The following ANKFN1 variants were observed in gnomAD, a reference collection of about 807,000 sequenced individuals.
ANKFN1 encodes the protein ankyrin repeat and fibronectin type-III domain-containing protein 1.
ANKFN1 carries 74 observed loss-of-function variants against 108.7 expected under a neutral mutation model. That is an observed-to-expected ratio of 0.68 (90% CI 0.56 to 0.83). ANKFN1 has a LOEUF of 0.83. Ranked by LOEUF, ANKFN1 falls within the 40% of genes least tolerant of loss-of-function variation. The probability of loss-of-function intolerance (pLI) is 0.00; values close to 1 mark genes in which losing one functional copy is unlikely to be tolerated. For synonymous variants in ANKFN1, 547 were observed against 516.2 expected, an observed-to-expected ratio of 1.06 and a Z score of -0.81; for missense variants, 1,505 against 1,382.3, an observed-to-expected ratio of 1.09 and a Z score of -1.41.
intron 4 of ANKFN1, among the ~76,000 whole-genome samples, chr17:56,142,399 C>T (rs1407455149): frequency 3.9e-5 from 6 of 152,184 alleles, no homozygotes; most frequent in African/African-American, 1.4e-4. Context: ...AAGTTCACTC[C>T]ATGAAGAGTA....
At chr17:56,326,506 A>G (rs2045520684) in intron 4 of ANKFN1, 151 bp downstream of exon 4, 4 of 845,918 alleles carry the variant, frequency 4.7e-6, no homozygotes, top group Non-Finnish European at 7.1e-6. Flanking sequence ...CATGAAGAAT[A>G]CACACAAGCA....
chr17:56,321,421 T>G (rs1197661967), intron 3 of ANKFN1, among the ~76,000 whole-genome samples: 8 of 148,654 alleles, frequency 5.4e-5, no homozygotes, highest in Non-Finnish European at 1.2e-4. Flanking sequence ...CACTTTCTTA[T>G]AATTTAATTT....
intron 3 of ANKFN1, among the ~76,000 whole-genome samples, chr17:56,296,865 C>T (rs1056797704): frequency 6.6e-6 from 1 of 152,160 alleles, no homozygotes; most frequent in Non-Finnish European, 1.5e-5. Context: ...TCCCAGGGCT[C>T]ATATGAGGAT....
intron 8 of ANKFN1, among the ~76,000 whole-genome samples, chr17:56,417,984 T>G (rs2048290206): frequency 6.6e-6 from 1 of 152,202 alleles, no homozygotes; most frequent in African/African-American, 2.4e-5. Flanking sequence ...TCTGTCTGCT[T>G]TACTAGTCAG....
At chr17:56,263,599 C>T (rs1050029701) in intron 3 of ANKFN1, among the ~76,000 whole-genome samples, 11 of 152,194 alleles carry the variant, frequency 7.2e-5, no homozygotes, top group African/African-American at 2.7e-4. Context: ...AGACTGGTGT[C>T]TCCAAAAGCA....
chr17:56,099,421 T>A (rs1464026954), intron 4 of ANKFN1, among the ~76,000 whole-genome samples: 1 of 152,208 alleles, frequency 6.6e-6, no homozygotes, highest in East Asian at 1.9e-4. Flanking sequence ...CCTCTCCTTC[T>A]CATTCCACTC....
chr17:56,378,180 C>T (rs1437590281), intron 8 of ANKFN1, among the ~76,000 whole-genome samples: 6 of 152,254 alleles, frequency 3.9e-5, no homozygotes, highest in East Asian at 1.9e-4. Context: ...ATATCTCTGC[C>T]GACCATCACC....
At chr17:56,497,790 C>A (rs2051247276) in intron 19 of ANKFN1, among the ~76,000 whole-genome samples, 1 of 152,102 alleles carries the variant, frequency 6.6e-6, no homozygotes, top group Admixed American at 6.6e-5. Context: ...AGACTAACTA[C>A]CTCTTCTTAC....
chr17:56,349,335 AT>A (rs1015569412), intron 4 of ANKFN1, among the ~76,000 whole-genome samples: 1 of 151,772 alleles, frequency 6.6e-6, no homozygotes, highest in African/African-American at 2.4e-5. Flanking sequence ...CATAGCACAC[AT>A]TTACCTATGT....
At chr17:56,176,535 G>A (rs992539092) in intron 1 of ANKFN1, among the ~76,000 whole-genome samples, 3 of 152,222 alleles carry the variant, frequency 2.0e-5, no homozygotes, top group South Asian at 2.1e-4. Flanking sequence ...TAGCAAAGCA[G>A]ACTGTCTTCA....
intron 1 of ANKFN1, among the ~76,000 whole-genome samples, chr17:56,186,520 G>A (rs1327295316): frequency 2.0e-5 from 3 of 152,172 alleles, no homozygotes; most frequent in Non-Finnish European, 4.4e-5. Context: ...AGCATTCCAC[G>A]TTGTCCACTG....
chr17:56,440,391 G>A lies in ANKFN1; in HGVS notation c.975G>A (p.Gln325=). The A allele has an allele frequency of 6.2e-7, 1 of 1,612,634 alleles. No homozygotes were observed. Among genetic ancestry groups the A allele is most frequent in the Middle Eastern group, 1.7e-4 (1 of 6,042 alleles). ...LAGEIIMDNL[Q]TLRCTITGLT... The stretch of plus-strand genomic sequence containing the variant: ...GAGAAATCATCATGGATAATCTGCA[G>A]ACTCTGAGATGCACAATCACAGGAC... The change falls in exon 9 of 21, where the codon CAG becomes CAA. Residue 325 remains glutamine (Q), a synonymous_variant. Transcript: ENST00000682825.
intron 4 of ANKFN1, among the ~76,000 whole-genome samples, chr17:56,147,535 C>T (rs2143423053): frequency 6.6e-6 from 1 of 152,264 alleles, no homozygotes; most frequent in Non-Finnish European, 1.5e-5. Context: ...GAGTACTGAT[C>T]AAAAGGGGAA....
intron 8 of ANKFN1, among the ~76,000 whole-genome samples, chr17:56,410,083 T>C (rs968790649): frequency 3.3e-5 from 5 of 152,198 alleles, no homozygotes; most frequent in Admixed American, 3.3e-4. Context: ...TTTATTTTAA[T>C]TTTATATTGT....
Position 56,480,744 on chromosome 17 carries a change from A to T in ANKFN1, c.2017A>T (p.Met673Leu). 1.2e-6 allele frequency: 2 copies of T among 1,614,046 alleles called. No homozygotes were observed. Among genetic ancestry groups the T allele is most frequent in the Non-Finnish European group, 8.5e-7 (1 of 1,179,948 alleles). ...ESVDHTSDCPMQLFFYELQMA... is the reference protein window; with the variant it reads ...ESVDHTSDCPLQLFFYELQMA... The stretch of plus-strand genomic sequence containing the variant: ...TGTGGATCATACTTCTGACTGCCCC[A>T]TGCAATTGTTCTTCTACGAGCTCCA... Residue 673 changes from methionine to leucine, a missense_variant, in exon 17 of 21, where the codon ATG becomes TTG. Met to Leu is a conservative substitution (Grantham distance 15). Transcript: ENST00000682825.
chr17:56,057,565 C>A (rs900550129), intron 4 of ANKFN1, among the ~76,000 whole-genome samples: 2 of 152,124 alleles, frequency 1.3e-5, no homozygotes, highest in Non-Finnish European at 2.9e-5. Flanking sequence ...GCGGGCAGAT[C>A]ACTTGAGGTC....
chr17:56,318,350 C>T (rs1427328140), intron 3 of ANKFN1, among the ~76,000 whole-genome samples: 2 of 152,136 alleles, frequency 1.3e-5, no homozygotes, highest in Non-Finnish European at 2.9e-5. Context: ...GCATCCAACA[C>T]CAAAGCTGCC....
At chr17:56,411,823 C>A (rs2048098840) in intron 8 of ANKFN1, among the ~76,000 whole-genome samples, 1 of 152,098 alleles carries the variant, frequency 6.6e-6, no homozygotes, top group Non-Finnish European at 1.5e-5. Flanking sequence ...TCCCTTCATA[C>A]CCCTGGAATG....
intron 18 of ANKFN1, among the ~76,000 whole-genome samples, chr17:56,486,957 C>A (rs2050875688): frequency 6.6e-6 from 1 of 152,156 alleles, no homozygotes. Context: ...AACTTGCTAA[C>A]CAGCTATGGA....
Sources: allele counts gnomAD v4.1 joint callset (sites outside exome capture counted in the v4.1 genomes callset), GRCh38; gene constraint gnomAD v4.1.1; transcripts MANE v1.5; gene names NCBI Gene and HGNC (gene_info 2026-07-23, HGNC 2026-07-21).